Variants in HIF3A observed in about 807,000 individuals in gnomAD.
HIF3A encodes the protein hypoxia inducible factor 3 subunit alpha, also known as hypoxia-inducible factor 3-alpha.
HIF3A carries 41 observed loss-of-function variants against 67.2 expected under a neutral mutation model. That is an observed-to-expected ratio of 0.61 (90% CI 0.48 to 0.79). HIF3A has a LOEUF of 0.79. Ranked by LOEUF, HIF3A falls within the 30% of genes least tolerant of loss-of-function variation. HIF3A has a pLI of 0.00. For missense variants in HIF3A, 855 were observed against 898.0 expected, an observed-to-expected ratio of 0.95 and a Z score of 0.61; for synonymous variants, 356 against 374.8, an observed-to-expected ratio of 0.95 and a Z score of 0.58.
At chr19:46,315,649 G>C (rs904247230) in intron 8 of HIF3A, among the ~76,000 whole-genome samples, 8 of 152,178 alleles carry the variant, frequency 5.3e-5, no homozygotes, top group African/African-American at 1.7e-4. Flanking sequence ...CACAGTGGCT[G>C]ATGCCTGTAA....
At chr19:46,338,283 C>A in intron 14 of HIF3A, 2 of 453,818 alleles carry the variant, frequency 4.4e-6, no homozygotes, top group South Asian at 1.6e-5. Context: ...CTCACCGCAG[C>A]CTCGACCTCC....
At chr19:46,312,736 T>TGTGTGTGTGC (rs112043937) in intron 8 of HIF3A, 83 bp downstream of exon 8, 40 of 1,501,066 alleles carry the variant, frequency 2.7e-5, no homozygotes, top group African/African-American at 1.1e-4. Context: ...TGTGTGTGTG[T>TGTGTGTGTGC]GCGTATGAGC....
intron 11 of HIF3A, among the ~76,000 whole-genome samples, chr19:46,327,792 T>C (rs555329525): frequency 1.9e-4 from 29 of 152,260 alleles, no homozygotes; most frequent in African/African-American, 6.7e-4. Context: ...ATACTTAAGA[T>C]TGTAGTTTTA....
intron 1 of HIF3A, among the ~76,000 whole-genome samples, chr19:46,300,022 G>A (rs1448522166): frequency 6.6e-6 from 1 of 152,222 alleles, no homozygotes; most frequent in African/African-American, 2.4e-5. Flanking sequence ...ACATAGTTCA[G>A]TGTCAATGGA....
chr19:46,322,287 G>A (rs765056921), intron 10 of HIF3A, among the ~76,000 whole-genome samples: 1 of 152,050 alleles, frequency 6.6e-6, no homozygotes, highest in Non-Finnish European at 1.5e-5. Context: ...CACACACCAA[G>A]CAGCGGACAC....
chr19:46,307,175 T>C (rs1031233457), intron 3 of HIF3A, among the ~76,000 whole-genome samples: 1 of 152,234 alleles, frequency 6.6e-6, no homozygotes, highest in Non-Finnish European at 1.5e-5. Flanking sequence ...TTGCGTTACC[T>C]TGTACTGCTT....
At chr19:46,330,126 G>A (rs1027607086) in intron 12 of HIF3A, among the ~76,000 whole-genome samples, 11 of 152,126 alleles carry the variant, frequency 7.2e-5, no homozygotes, top group Non-Finnish European at 1.2e-4. Context: ...TGCTCATTTC[G>A]AATCCAGAGT....
chr19:46,328,949 C>G (rs1970984844), intron 11 of HIF3A: 1 of 360,764 alleles, frequency 2.8e-6, no homozygotes, highest in Non-Finnish European at 5.0e-6. Context: ...TCTCTAATTT[C>G]TAGCCTCAAG....
At chr19:46,307,912 C>A (rs1161891465) in intron 3 of HIF3A, among the ~76,000 whole-genome samples, 1 of 151,900 alleles carries the variant, frequency 6.6e-6, no homozygotes, top group East Asian at 1.9e-4. Flanking sequence ...CCAGCCTGGG[C>A]AACAGAGCAA....
At chr19:46,310,443 C>T in intron 6 of HIF3A, 4 of 294,822 alleles carry the variant, frequency 1.4e-5, no homozygotes, top group South Asian at 5.7e-5. Flanking sequence ...ATTTGTTCAC[C>T]CTCTATCCTT....
rs986222957 is a variant in HIF3A, at chr19:46,341,246, C to T, written c.*1624C>T. The T allele has an allele frequency of 6.7e-6, 1 of 148,972 alleles. No homozygotes were observed. The highest frequency in any genetic ancestry group is 1.5e-5 in the Non-Finnish European group (1 of 67,716). 9.2% of individuals were successfully genotyped at this position (148,972 alleles called of 1,614,324 possible). A position where few individuals can be genotyped will look rare whatever the true frequency, so the allele number is the denominator to read the frequency against. On this transcript the variant is annotated 3_prime_UTR_variant, in exon 15 of 15. Transcript: ENST00000377670. ...ACAGAGTCCCACTCTGTCACCCAGG[C>T]TGGAGTACAGTGGCTCAATCTCGGC...
rs1014993850 is a variant in HIF3A at position 46,327,618 on chromosome 19, G to C, written c.1441-1589G>C. Among the ~76,000 whole-genome samples, 58 of 152,222 alleles carry C rather than the reference G, an allele frequency of 3.8e-4. 1 individual carries two copies. The highest frequency in any genetic ancestry group is 1.4e-3 in the African/African-American group (57 of 41,530). ...GGTTAATGGCATGGTTCTCCAGACT[G>C]CCAAGTCTGCCCAAGACTTCTGACA... On this transcript the variant is annotated intron_variant, in intron 11 of 14. Transcript: ENST00000377670.
At chr19:46,313,467 A>AAAAC (rs1555781367) in intron 8 of HIF3A, 1 of 187,924 alleles carries the variant, frequency 5.3e-6, no homozygotes, top group Non-Finnish European at 9.8e-6. Context: ...CAAAAAAAAA[A>AAAAC]AAAAAAAAAA....
Position 46,341,678 on chromosome 19 carries a change from T to A in HIF3A, c.*2056T>A, listed in dbSNP as rs1971941889. The stretch of plus-strand genomic sequence containing the variant: ...TCTTTTTTGAGATGGAGTCTCTCTC[T>A]GTTGCCCAGGCTGGAGTATAATGGT... On this transcript the variant is annotated 3_prime_UTR_variant, in exon 15 of 15. Transcript: ENST00000377670. 1 of 151,540 alleles carries A rather than the reference T, an allele frequency of 6.6e-6. No homozygotes were observed. Among genetic ancestry groups the A allele is most frequent in the Admixed American group, 6.6e-5 (1 of 15,188 alleles). 9.4% of individuals were successfully genotyped at this position (151,540 alleles called of 1,614,324 possible). A position where few individuals can be genotyped will look rare whatever the true frequency, so the allele number is the denominator to read the frequency against.
intron 13 of HIF3A, among the ~76,000 whole-genome samples, chr19:46,334,152 C>T (rs1971447464): frequency 6.6e-6 from 1 of 151,782 alleles, no homozygotes; most frequent in African/African-American, 2.4e-5. Flanking sequence ...AGTGCAGTGG[C>T]ACGATCTTGG....
At chr19:46,303,234 C>T (rs1421924153) in intron 1 of HIF3A, among the ~76,000 whole-genome samples, 1 of 152,232 alleles carries the variant, frequency 6.6e-6, no homozygotes, top group African/African-American at 2.4e-5. Flanking sequence ...TAAAACGACA[C>T]TTATTCTTCC....
chr19:46,340,510 T>C lies in HIF3A; in HGVS notation c.*888T>C. ...CTGCTCCTCTTCCTCTTCTTCTTCT[T>C]TTTTTTTTTTGACAGAGTCTTGCTC... On this transcript the variant is annotated 3_prime_UTR_variant, in exon 15 of 15. Transcript: ENST00000377670. 1 of 147,052 alleles carries C rather than the reference T, an allele frequency of 6.8e-6. No individual in the cohort carries two copies. The allele number at this position is 147,052 out of a possible 1,614,324, so 9.1% of individuals were successfully genotyped here.
intron 7 of HIF3A, 58 bp downstream of exon 7, chr19:46,312,325 C>T: frequency 1.2e-6 from 2 of 1,613,258 alleles, no homozygotes; most frequent in Non-Finnish European, 1.7e-6. Context: ...CCAGCTGACA[C>T]CAGGACCCCC....
Position 46,308,231 on chromosome 19 carries a change from T to C in HIF3A, c.374T>C (p.Ile125Thr), listed in dbSNP as rs200369088. 89 of 1,613,640 alleles carry C rather than the reference T, an allele frequency of 5.5e-5. No homozygotes were observed. Among genetic ancestry groups the C allele is most frequent in the African/African-American group, 1.2e-4 (9 of 74,892 alleles). ...TCTCATCCCTGGCAGCTGGAGCTCA[T>C]TGGACACAGCATCTTTGATTTCATC... Reference protein sequence around the residue: ...KHLGLSQLELIGHSIFDFIHP... With the variant: ...KHLGLSQLELTGHSIFDFIHP... The change falls in exon 4 of 15, where the codon ATT becomes ACT. Residue 125 changes from isoleucine (I) to threonine (T), a missense_variant. By Grantham distance (89) the Ile-to-Thr change is moderately conservative (BLOSUM62 -1). Around this residue, in one of 3 missense-constraint regions of HIF3A, gnomAD observed 638 missense variants for 660.5 expected, o/e 0.97. Coordinates refer to ENST00000377670, the MANE Select transcript of HIF3A (RefSeq NM_152795.4).
Sources: allele counts gnomAD v4.1 joint callset (sites outside exome capture counted in the v4.1 genomes callset), GRCh38; gene constraint gnomAD v4.1.1; regional missense constraint gnomAD v4.1.1; transcripts MANE v1.5; gene names NCBI Gene and HGNC (gene_info 2026-07-23, HGNC 2026-07-21).